The following KCNQ3 variants were observed in gnomAD, a reference collection of about 807,000 sequenced individuals.
The protein encoded by KCNQ3 is potassium voltage-gated channel subfamily Q member 3, also known as potassium voltage-gated channel subfamily KQT member 3.
KCNQ3 carries 30 observed loss-of-function variants against 92.5 expected under a neutral mutation model. That is an observed-to-expected ratio of 0.32 (90% CI 0.24 to 0.44). The LOEUF (loss-of-function observed/expected upper bound fraction) is 0.44. Ranked by LOEUF, KCNQ3 falls within the 20% of genes least tolerant of loss-of-function variation. The pLI, the probability that KCNQ3 is intolerant of heterozygous loss-of-function variation, is 1.00. For missense variants in KCNQ3, 913 were observed against 1,140.3 expected, an observed-to-expected ratio of 0.80 and a Z score of 2.87; for synonymous variants, 450 against 468.8, an observed-to-expected ratio of 0.96 and a Z score of 0.52.
chr8:132,244,920 C>CAAAAAAAAAAAA (rs35215337), intron 1 of KCNQ3, among the ~76,000 whole-genome samples: 1 of 112,376 alleles, frequency 8.9e-6, no homozygotes, highest in Non-Finnish European at 1.7e-5. Flanking sequence ...CTCACTTGAC[C>CAAAAAAAAAAAA]AAAAAAAAAA....
chr8:132,206,791 C>A (rs1232548352), intron 1 of KCNQ3, among the ~76,000 whole-genome samples: 1 of 152,088 alleles, frequency 6.6e-6, no homozygotes, highest in Non-Finnish European at 1.5e-5. Flanking sequence ...AAAAAACCAA[C>A]TTTTTCTTTC....
At chr8:132,399,799 T>C (rs1269049676) in intron 1 of KCNQ3, among the ~76,000 whole-genome samples, 1 of 152,198 alleles carries the variant, frequency 6.6e-6, no homozygotes, top group Non-Finnish European at 1.5e-5. Context: ...TGGCTTCAGA[T>C]AAACACTCTC....
intron 1 of KCNQ3, among the ~76,000 whole-genome samples, chr8:132,381,005 AAAG>A (rs1309243933): frequency 6.6e-6 from 1 of 152,070 alleles, no homozygotes; most frequent in Non-Finnish European, 1.5e-5. Context: ...CTCCAGGAAC[AAAG>A]AAGGGAGGAT....
intron 1 of KCNQ3, among the ~76,000 whole-genome samples, chr8:132,344,114 A>G (rs938236585): frequency 6.6e-6 from 1 of 152,164 alleles, no homozygotes; most frequent in African/African-American, 2.4e-5. Flanking sequence ...ATTATGGGAG[A>G]TATCTAAGGA....
intron 1 of KCNQ3, among the ~76,000 whole-genome samples, chr8:132,277,057 T>C (rs543396944): frequency 1.3e-5 from 2 of 151,586 alleles, no homozygotes; most frequent in African/African-American, 4.8e-5. Context: ...GGCAAAAACA[T>C]AATAAACAAT....
chr8:132,446,151 T>A (rs1347847993), intron 1 of KCNQ3, among the ~76,000 whole-genome samples: 1 of 152,164 alleles, frequency 6.6e-6, no homozygotes, highest in Non-Finnish European at 1.5e-5. Flanking sequence ...AAGAACCAGA[T>A]GACCTCCTGG....
chr8:132,187,831 ATTGTGGTGGTGGTGGTGGTAG>A (rs1827033266), intron 1 of KCNQ3, among the ~76,000 whole-genome samples: 4 of 85,614 alleles, frequency 4.7e-5, no homozygotes, highest in African/African-American at 5.7e-5. Context: ...GGTGGTGGTG[ATTGTGGTGGTGGTGGTGGTAG>A]TGATGGTGGT....
intron 9 of KCNQ3, among the ~76,000 whole-genome samples, chr8:132,158,734 T>C (rs1825886740): frequency 6.6e-6 from 1 of 152,202 alleles, no homozygotes; most frequent in African/African-American, 2.4e-5. Context: ...AAATAGTACC[T>C]ATCTCTTAGG....
At chr8:132,314,407 T>G (rs1265187731) in intron 1 of KCNQ3, among the ~76,000 whole-genome samples, 1 of 152,138 alleles carries the variant, frequency 6.6e-6, no homozygotes, top group African/African-American at 2.4e-5. Flanking sequence ...CCCAGTTAAT[T>G]TTAGGCTTCA....
At chr8:132,307,432 T>C (rs1056708638) in intron 1 of KCNQ3, among the ~76,000 whole-genome samples, 1 of 152,232 alleles carries the variant, frequency 6.6e-6, no homozygotes, top group Non-Finnish European at 1.5e-5. Flanking sequence ...TAAAGTAAGC[T>C]ACAACAACTA....
At position 132,126,672 on chromosome 8, in the gene KCNQ3, A is replaced by C. The variant is rs2130918517; in HGVS notation, c.*2590T>G. ...TACTTCCCTACTACTGATCAATACA[A>C]ACCCAATCTCTGCTGTCCTGGTCTT... On this transcript the variant is annotated 3_prime_UTR_variant, in exon 15 of 15. Coordinates refer to ENST00000388996, the MANE Select transcript of KCNQ3 (RefSeq NM_004519.4). 6.6e-6 allele frequency: 1 copy of C among 152,058 alleles called. No homozygotes were observed. The highest frequency in any genetic ancestry group is 1.9e-4 in the East Asian group (1 of 5,178). The allele number at this position is 152,058 out of a possible 1,614,324, so 9.4% of individuals were successfully genotyped here. A position where few individuals can be genotyped will look rare whatever the true frequency, so the allele number is the denominator to read the frequency against.
chr8:132,132,030 G>A (rs955676225), intron 14 of KCNQ3, 150 bp downstream of exon 14: 10 of 642,090 alleles, frequency 1.6e-5, no homozygotes, highest in Admixed American at 1.5e-4. Flanking sequence ...AGAGGTTGCA[G>A]TGAGTCAAGA....
At chr8:132,397,277 G>A (rs1168246941) in intron 1 of KCNQ3, among the ~76,000 whole-genome samples, 1 of 152,060 alleles carries the variant, frequency 6.6e-6, no homozygotes, top group Non-Finnish European at 1.5e-5. Context: ...CCGTGCCTCA[G>A]TGCCCTCTTT....
At chr8:132,454,122 A>T (rs1369899054) in intron 1 of KCNQ3, among the ~76,000 whole-genome samples, 1 of 152,240 alleles carries the variant, frequency 6.6e-6, no homozygotes, top group Non-Finnish European at 1.5e-5. Flanking sequence ...TGCTCATGGC[A>T]GACCCTGCCA....
chr8:132,359,008 A>T (rs1227544022), intron 1 of KCNQ3, among the ~76,000 whole-genome samples: 3 of 152,134 alleles, frequency 2.0e-5, no homozygotes, highest in Non-Finnish European at 4.4e-5. Flanking sequence ...CAATACTCTC[A>T]CTAAAGAATT....
intron 9 of KCNQ3, among the ~76,000 whole-genome samples, chr8:132,159,319 C>G (rs1386793915): frequency 6.6e-6 from 1 of 152,100 alleles, no homozygotes; most frequent in Admixed American, 6.6e-5. Context: ...GAAAAAAGGG[C>G]CCTATTCTTT....
intron 1 of KCNQ3, among the ~76,000 whole-genome samples, chr8:132,331,685 A>T (rs1269290018): frequency 6.6e-6 from 1 of 152,202 alleles, no homozygotes; most frequent in Non-Finnish European, 1.5e-5. Flanking sequence ...GGAATTTAGC[A>T]TTGTAAAGGA....
intron 1 of KCNQ3, among the ~76,000 whole-genome samples, chr8:132,298,751 G>C (rs1312602581): frequency 6.6e-6 from 1 of 151,946 alleles, no homozygotes. Flanking sequence ...TACTAAAAAA[G>C]TACAAAAATT....
In KCNQ3 at chr8:132,150,445, A is replaced by G. The variant is rs368810807; in HGVS notation, c.1263-9114T>C. ...TGGATTTTCCTTTCTCTGAGCCTTTAGTAAAGTTTGAAAGCCAGAAACATT... is the reference window on the plus strand; with the variant it reads ...TGGATTTTCCTTTCTCTGAGCCTTTGGTAAAGTTTGAAAGCCAGAAACATT... On this transcript the variant is annotated intron_variant, in intron 9 of 14. Transcript: ENST00000388996. Among the ~76,000 whole-genome samples the G allele has an allele frequency of 3.8e-4, 58 of 152,224 alleles. No homozygotes were observed. In the East Asian group the frequency reaches 7.6e-3, roughly 20 times the overall value.
Sources: gnomAD v4.1 joint callset for allele counts (sites outside exome capture counted in the v4.1 genomes callset) on GRCh38, gnomAD v4.1.1 for gene constraint, MANE v1.5 for transcripts, NCBI Gene and HGNC (gene_info 2026-07-23, HGNC 2026-07-21) for gene names.